Variants in MAPKAPK2 observed in about 807,000 individuals in gnomAD.
MAPKAPK2 encodes the protein MAPK activated protein kinase 2.
Under a neutral mutation model 48.8 loss-of-function variants are expected in MAPKAPK2, and 9 were observed. The ratio of observed to expected loss-of-function variants is 0.18; its 90% CI spans 0.11 to 0.32. The LOEUF (loss-of-function observed/expected upper bound fraction) is 0.32. Among genes scored for constraint, MAPKAPK2 ranks in the 10% least tolerant of loss-of-function variants. The pLI, the probability that MAPKAPK2 is intolerant of heterozygous loss-of-function variation, is 1.00. For synonymous variants in MAPKAPK2, 202 were observed against 190.6 expected, an observed-to-expected ratio of 1.06 and a Z score of -0.49; for missense variants, 331 against 498.3, an observed-to-expected ratio of 0.66 and a Z score of 3.20.
intron 1 of MAPKAPK2, among the ~76,000 whole-genome samples, chr1:206,693,401 ACT>A (rs10558131): frequency 0.04 from 6,133 of 152,066 alleles, 269 homozygotes; most frequent in African/African-American, 0.11. Flanking sequence ...TTTGGGGCTA[ACT>A]CACTCTTCTG....
At chr1:206,701,636 C>A (rs1451155938) in intron 1 of MAPKAPK2, among the ~76,000 whole-genome samples, 2 of 151,892 alleles carry the variant, frequency 1.3e-5, no homozygotes, top group Non-Finnish European at 2.9e-5. Context: ...GAGTTCGAGA[C>A]CAGCCTGAGC....
At chr1:206,717,001 A>G (rs1348401281) in intron 1 of MAPKAPK2, among the ~76,000 whole-genome samples, 2 of 152,156 alleles carry the variant, frequency 1.3e-5, no homozygotes, top group Non-Finnish European at 2.9e-5. Flanking sequence ...ACTCTTCTCT[A>G]CTGGGCTCTG....
intron 1 of MAPKAPK2, among the ~76,000 whole-genome samples, chr1:206,700,329 G>C (rs1672761587): frequency 6.6e-6 from 1 of 152,134 alleles, no homozygotes; most frequent in African/African-American, 2.4e-5. Flanking sequence ...GAAGGTTGCT[G>C]GTCTCCTCTC....
chr1:206,692,800 T>C (rs1325372911), intron 1 of MAPKAPK2, among the ~76,000 whole-genome samples: 4 of 152,196 alleles, frequency 2.6e-5, no homozygotes, highest in Admixed American at 6.5e-5. Flanking sequence ...TCCAAGCATC[T>C]CTGTGGCCAG....
intron 1 of MAPKAPK2, among the ~76,000 whole-genome samples, chr1:206,722,897 G>C (rs1553431410): frequency 1.3e-5 from 2 of 152,170 alleles, no homozygotes; most frequent in African/African-American, 4.8e-5. Context: ...CCGGGAACCA[G>C]AGTGGGTGGC....
chr1:206,714,096 C>T (rs562136854), intron 1 of MAPKAPK2, among the ~76,000 whole-genome samples: 7 of 152,198 alleles, frequency 4.6e-5, no homozygotes, highest in South Asian at 4.1e-4. Context: ...TCAAAGGGGC[C>T]GTGAGTTCAG....
intron 1 of MAPKAPK2, among the ~76,000 whole-genome samples, chr1:206,713,868 A>C (rs1273065377): frequency 6.6e-6 from 1 of 151,892 alleles, no homozygotes; most frequent in Non-Finnish European, 1.5e-5. Context: ...CCTGTCTCAA[A>C]AAGAGAAAGC....
At chr1:206,695,210 G>C (rs1672576969) in intron 1 of MAPKAPK2, among the ~76,000 whole-genome samples, 1 of 152,222 alleles carries the variant, frequency 6.6e-6, no homozygotes, top group South Asian at 2.1e-4. Context: ...TAACCAGAGA[G>C]AGAAGGAATA....
At chr1:206,705,403 G>T (rs1042463177) in intron 1 of MAPKAPK2, among the ~76,000 whole-genome samples, 4 of 152,208 alleles carry the variant, frequency 2.6e-5, no homozygotes, top group Non-Finnish European at 5.9e-5. Context: ...TGTGCAGCAT[G>T]GGGTTGCATG....
At chr1:206,730,223 G>C in intron 5 of MAPKAPK2, 125 bp downstream of exon 5, 1 of 1,180,750 alleles carries the variant, frequency 8.5e-7, no homozygotes, top group Non-Finnish European at 1.2e-6. Context: ...TCTGGTGCTG[G>C]TTCTGCTGGG....
chr1:206,685,376 G>A lies in MAPKAPK2; in HGVS notation c.147G>A (p.Lys49=). ...PPQQFPQFHV[K]SGLQIKKNAI... is the part of the protein sequence containing the mutation. ...AGCAGTTCCCGCAGTTCCACGTCAAGTCCGGCCTGCAGATCAAGAAGAACG... is the reference window on the plus strand; with the variant it reads ...AGCAGTTCCCGCAGTTCCACGTCAAATCCGGCCTGCAGATCAAGAAGAACG... The change falls in exon 1 of 10, where the codon AAG becomes AAA. Residue 49 remains lysine, a synonymous_variant. Transcript: ENST00000367103. The A allele has an allele frequency of 6.7e-7, 1 of 1,486,430 alleles. No individual in the cohort carries two copies. The highest frequency in any genetic ancestry group is 9.0e-7 in the Non-Finnish European group (1 of 1,105,408). The allele number at this position is 1,486,430 out of a possible 1,614,324, so 92.1% of individuals were successfully genotyped here.
rs782729938 is a variant in MAPKAPK2 at position 206,731,218 on chromosome 1, A to T, written c.848A>T (p.Gln283Leu). The T allele has an allele frequency of 6.2e-7, 1 of 1,614,232 alleles. No individual in the cohort carries two copies. The highest frequency in any genetic ancestry group is 2.2e-5 in the East Asian group (1 of 44,892). Residue 283 changes from glutamine to leucine, a missense_variant, in exon 7 of 10, where the codon CAG becomes CTG. By Grantham distance (113) the Gln-to-Leu change is moderately radical. This residue lies in a region of MAPKAPK2 where 124 missense variants were observed against 194.6 expected (regional missense o/e 0.64). Transcript: ENST00000367103. The surrounding 1 kb of genome is among the most constrained non-coding windows in gnomAD (Gnocchi z 5.9). ...PGMKTRIRMG[Q>L]YEFPNPEWSE... Reference sequence around the variant, plus strand: ...ATGAAGACTCGCATCCGAATGGGCCAGTATGAATTTCCCAACCCAGAATGG... The same window carrying T: ...ATGAAGACTCGCATCCGAATGGGCCTGTATGAATTTCCCAACCCAGAATGG...
Position 206,733,994 on chromosome 1 carries a change from G to A in MAPKAPK2, c.*1276G>A, listed in dbSNP as rs1303370043. On this transcript the variant is annotated 3_prime_UTR_variant, in exon 10 of 10. Coordinates refer to ENST00000367103, the MANE Select transcript of MAPKAPK2 (RefSeq NM_032960.4). ...AACAACTCAGCTTCGGGGCCGGTGA[G>A]GGGAGGGGCCTCCCCCAGCACAGAT... 6.5e-6 allele frequency: 1 copy of A among 152,796 alleles called. No homozygotes were observed. Among genetic ancestry groups the A allele is most frequent in the Admixed American group, 6.5e-5 (1 of 15,286 alleles). The allele number at this position is 152,796 out of a possible 1,614,324, so 9.5% of individuals were successfully genotyped here.
intron 1 of MAPKAPK2, among the ~76,000 whole-genome samples, chr1:206,720,906 A>T (rs2102406437): frequency 6.6e-6 from 1 of 152,328 alleles, no homozygotes; most frequent in East Asian, 1.9e-4. Context: ...TTTAATATTC[A>T]TCTGAAACAC....
chr1:206,707,028 T>C (rs1358793638), intron 1 of MAPKAPK2, among the ~76,000 whole-genome samples: 1 of 152,136 alleles, frequency 6.6e-6, no homozygotes, highest in Admixed American at 6.5e-5. Context: ...AGGCATGTAG[T>C]TGGAGGAGGG....
intron 1 of MAPKAPK2, among the ~76,000 whole-genome samples, chr1:206,699,278 A>G (rs1553427531): frequency 6.6e-6 from 1 of 152,182 alleles, no homozygotes; most frequent in Non-Finnish European, 1.5e-5. Flanking sequence ...GTGTCTGGGC[A>G]CCAGGGTGGC....
In MAPKAPK2 at chr1:206,685,475, C is replaced by T; in HGVS notation, c.246C>T (p.Phe82=). 6.5e-7 allele frequency: 1 copy of T among 1,538,916 alleles called. No individual in the cohort carries two copies. Among genetic ancestry groups the T allele is most frequent in the Non-Finnish European group, 8.8e-7 (1 of 1,138,496 alleles). The change falls in exon 1 of 10, where the codon TTC becomes TTT. Residue 82 remains phenylalanine, a synonymous_variant. Transcript: ENST00000367103. ...LGINGKVLQI[F]NKRTQEKFAL... is the part of the protein sequence containing the mutation. ...TCAACGGCAAAGTTTTGCAGATCTTCAACAAGAGGACCCAGGAGAAATTCG... is the reference window on the plus strand; with the variant it reads ...TCAACGGCAAAGTTTTGCAGATCTTTAACAAGAGGACCCAGGAGAAATTCG...
chr1:206,700,002 AC>A (rs1278713464), intron 1 of MAPKAPK2, among the ~76,000 whole-genome samples: 2 of 104,152 alleles, frequency 1.9e-5, no homozygotes, highest in African/African-American at 3.7e-5. Context: ...TCTTCTTCTT[AC>A]TTTTTTTTTT....
rs369233328 is a variant in MAPKAPK2, at chr1:206,689,871, G to A, written c.279+4363G>A. ...AAGAACATTTTCATCCTTGCAGAAC[G>A]TTCTCCTAGACTTTGTTGGTCTGGG... On this transcript the variant is annotated intron_variant, in intron 1 of 9. Coordinates refer to ENST00000367103, the MANE Select transcript of MAPKAPK2 (RefSeq NM_032960.4). Among the ~76,000 whole-genome samples, 20 of 152,314 alleles carry A rather than the reference G, an allele frequency of 1.3e-4. No individual in the cohort carries two copies. The East Asian group carries it at 2.3e-3, about 18-fold the overall frequency.
Sources: allele counts gnomAD v4.1 joint callset (sites outside exome capture counted in the v4.1 genomes callset), GRCh38; gene constraint gnomAD v4.1.1; regional missense constraint gnomAD v4.1.1; non-coding constraint Gnocchi (gnomAD v3.1); transcripts MANE v1.5; gene names NCBI Gene and HGNC (gene_info 2026-07-23, HGNC 2026-07-21).